Variants in CCNB1 observed in about 807,000 individuals in gnomAD.
CCNB1 encodes the protein cyclin B1, also known as G2/mitotic-specific cyclin-B1.
Under a neutral mutation model 44.4 loss-of-function variants are expected in CCNB1, and 26 were observed. The observed-to-expected ratio is 0.59, with a 90% CI of 0.43 to 0.81. CCNB1 has a LOEUF of 0.81. Ranked by LOEUF, CCNB1 falls within the 40% of genes least tolerant of loss-of-function variation. The probability of loss-of-function intolerance (pLI) is 0.00; values close to 1 mark genes in which losing one functional copy is unlikely to be tolerated. For synonymous variants in CCNB1, 195 were observed against 181.4 expected, an observed-to-expected ratio of 1.08 and a Z score of -0.60; for missense variants, 477 against 520.9, an observed-to-expected ratio of 0.92 and a Z score of 0.82.
Position 69,177,352 on chromosome 5 carries a change from G to C in CCNB1, c.1194+3G>C. On this transcript the variant is annotated splice_donor_region_variant and intron_variant, in intron 8 of 8. Coordinates refer to ENST00000256442, the MANE Select transcript of CCNB1 (RefSeq NM_031966.4). ...ATCAAGGACTTACAAAGCACATGGT[G>C]AGTCAATATAGTGGCATTGTAAGAT... The C allele has an allele frequency of 1.3e-6, 2 of 1,562,342 alleles. No homozygotes were observed. Among genetic ancestry groups the C allele is most frequent in the Non-Finnish European group, 1.8e-6 (2 of 1,132,948 alleles).
rs527481110 is a variant in CCNB1 at position 69,175,472 on chromosome 5, C to G, written c.1018C>G (p.Pro340Ala). The G allele has an allele frequency of 6.2e-7, 1 of 1,613,910 alleles. No individual in the cohort carries two copies. Among genetic ancestry groups the G allele is most frequent in the Admixed American group, 1.7e-5 (1 of 59,992 alleles). ...GTTGGACTATGACATGGTGCACTTT[C>G]CTCCTTCTCAAATTGCAGCAGGAGC... ...TMLDYDMVHF[P>A]PSQIAAGAFC... Residue 340 changes from proline (P) to alanine (A), a missense_variant, in exon 7 of 9, where the codon CCT becomes GCT. By Grantham distance (27) the Pro-to-Ala change is conservative. Transcript: ENST00000256442.
chr5:69,168,069 T>C lies in CCNB1; in HGVS notation c.183T>C (p.Pro61=). ...KVSEQLQAKM[P]MKKEAKPSAT... is the part of the protein sequence containing the mutation. ...GTGAACAACTGCAGGCCAAAATGCCTATGAAGAAGGTAACTCTCTTCCTGA... is the reference window on the plus strand; with the variant it reads ...GTGAACAACTGCAGGCCAAAATGCCCATGAAGAAGGTAACTCTCTTCCTGA... Residue 61 remains proline (P), a synonymous_variant, in exon 2 of 9, where the codon CCT becomes CCC. Coordinates refer to ENST00000256442, the MANE Select transcript of CCNB1 (RefSeq NM_031966.4). 1.2e-6 allele frequency: 2 copies of C among 1,613,530 alleles called. No homozygotes were observed. The highest frequency in any genetic ancestry group is 8.5e-7 in the Non-Finnish European group (1 of 1,179,836).
chr5:69,167,822 AC>A, intron 1 of CCNB1, 85 bp from the exon 2 acceptor site: 1 of 1,246,026 alleles, frequency 8.0e-7, no homozygotes, highest in Non-Finnish European at 1.1e-6. Context: ...CTTTCTGGGA[AC>A]TTCTCCTTGT....
chr5:69,172,773 T>C (rs1315158526), intron 4 of CCNB1, among the ~76,000 whole-genome samples: 1 of 144,822 alleles, frequency 6.9e-6, no homozygotes, highest in African/African-American at 2.6e-5. Context: ...CTGTTTCTTT[T>C]TTTTTTTTTT....
At chr5:69,169,682 T>C (rs183703881) in intron 3 of CCNB1, among the ~76,000 whole-genome samples, 1 of 152,112 alleles carries the variant, frequency 6.6e-6, no homozygotes, top group Admixed American at 6.6e-5. Flanking sequence ...AGACAGAGTC[T>C]CACTCTGTTG....
intron 7 of CCNB1, among the ~76,000 whole-genome samples, chr5:69,176,567 T>C (rs2112061745): frequency 6.7e-6 from 1 of 149,922 alleles, no homozygotes; most frequent in South Asian, 2.1e-4. Flanking sequence ...AGATGGGGTT[T>C]CACCGTGTTA....
At chr5:69,170,923 CTTTT>C (rs991122880) in intron 3 of CCNB1, among the ~76,000 whole-genome samples, 1 of 152,066 alleles carries the variant, frequency 6.6e-6, no homozygotes, top group Non-Finnish European at 1.5e-5. Context: ...CAACCTCATT[CTTTT>C]TAATTGAGGA....
intron 1 of CCNB1, 101 bp from the exon 2 acceptor site, chr5:69,167,807 G>T: frequency 1.8e-6 from 2 of 1,101,002 alleles, no homozygotes; most frequent in Non-Finnish European, 2.6e-6. Flanking sequence ...TTTTTAGTCG[G>T]CTTTCTTTCT....
chr5:69,167,675 A>G (rs1010325176), intron 1 of CCNB1, among the ~76,000 whole-genome samples: 2 of 152,008 alleles, frequency 1.3e-5, no homozygotes, highest in Admixed American at 6.6e-5. Flanking sequence ...AATTCTCGGT[A>G]TTTTAGGGCT....
chr5:69,167,875 G>C, intron 1 of CCNB1, 33 bp from the exon 2 acceptor site: 2 of 1,570,504 alleles, frequency 1.3e-6, no homozygotes, highest in Non-Finnish European at 1.7e-6. Context: ...AGCCTTCGTG[G>C]ATCAGCTCTT....
chr5:69,170,399 G>A (rs1747433943), intron 3 of CCNB1, among the ~76,000 whole-genome samples: 1 of 152,190 alleles, frequency 6.6e-6, no homozygotes, highest in African/African-American at 2.4e-5. Flanking sequence ...GGGATAAAGG[G>A]AGCTTGAAGG....
intron 4 of CCNB1, among the ~76,000 whole-genome samples, 187 bp from the exon 5 acceptor site, chr5:69,174,064 A>C (rs1747523106): frequency 6.6e-6 from 1 of 152,050 alleles, no homozygotes. Context: ...CCACCACGCC[A>C]GCCTTCATGT....
chr5:69,170,967 A>G (rs1747445579), intron 3 of CCNB1, among the ~76,000 whole-genome samples: 1 of 151,942 alleles, frequency 6.6e-6, no homozygotes, highest in Admixed American at 6.6e-5. Context: ...CTTTTTTAAC[A>G]GAGACAGGGT....
At chr5:69,175,338 A>G in intron 6 of CCNB1, 59 bp from the exon 7 acceptor site, 2 of 1,535,618 alleles carry the variant, frequency 1.3e-6, no homozygotes, top group Non-Finnish European at 1.8e-6. Context: ...ATGGGCATGC[A>G]GGTTAGTGCC....
intron 1 of CCNB1, 180 bp downstream of exon 1, chr5:69,167,463 G>A (rs771679863): frequency 9.8e-6 from 6 of 613,548 alleles, no homozygotes; most frequent in Admixed American, 2.9e-5. Flanking sequence ...AGAGTGTGGG[G>A]GACGATGGAT....
At chr5:69,169,203 TG>T (rs1747406473) in intron 3 of CCNB1, among the ~76,000 whole-genome samples, 2 of 152,290 alleles carry the variant, frequency 1.3e-5, no homozygotes, top group South Asian at 4.1e-4. Context: ...CCCTAGTAGC[TG>T]GGATTACAGA....
At chr5:69,176,208 C>G (rs1747586067) in intron 7 of CCNB1, among the ~76,000 whole-genome samples, 1 of 151,164 alleles carries the variant, frequency 6.6e-6, no homozygotes, top group South Asian at 2.1e-4. Context: ...ATTTCTTTCC[C>G]TGATTTCAAC....
chr5:69,174,808 T>C (rs1747545843), intron 5 of CCNB1, 69 bp from the exon 6 acceptor site: 1 of 1,199,260 alleles, frequency 8.3e-7, no homozygotes, highest in Admixed American at 1.8e-5. Context: ...TCTTTCTACC[T>C]CTCCTTCATC....
Position 69,177,703 on chromosome 5 carries a change from G to T in CCNB1, c.*72G>T. On this transcript the variant is annotated 3_prime_UTR_variant, in exon 9 of 9. Transcript: ENST00000256442. The stretch of plus-strand genomic sequence containing the variant: ...CCATGTGCCATCTGTACATATTACT[G>T]TTGCATTTACTTTTAATAAAGCTTG... The T allele has an allele frequency of 1.2e-6, 1 of 857,208 alleles. No individual in the cohort carries two copies. 53.1% of individuals were successfully genotyped at this position (857,208 alleles called of 1,614,324 possible). A position where few individuals can be genotyped will look rare whatever the true frequency, so the allele number is the denominator to read the frequency against.
Sources: allele counts gnomAD v4.1 joint callset (sites outside exome capture counted in the v4.1 genomes callset), GRCh38; gene constraint gnomAD v4.1.1; transcripts MANE v1.5; gene names NCBI Gene and HGNC (gene_info 2026-07-23, HGNC 2026-07-21).